The following IMPG1 variants were observed in gnomAD, a reference collection of about 807,000 sequenced individuals.
IMPG1 encodes interphotoreceptor matrix proteoglycan of 150 kDa.
Under a neutral mutation model 92.0 loss-of-function variants are expected in IMPG1, and 85 were observed. The ratio of observed to expected loss-of-function variants is 0.92; its 90% CI spans 0.78 to 1.11. IMPG1 has a LOEUF of 1.11. Among genes scored for constraint, IMPG1 ranks in the 50% least tolerant of loss-of-function variants. The pLI is 0.00. For synonymous variants in IMPG1, 367 were observed against 334.1 expected, an observed-to-expected ratio of 1.10 and a Z score of -1.08; for missense variants, 1,022 against 956.0, an observed-to-expected ratio of 1.07 and a Z score of -0.91.
chr6:76,042,067 C>A lies in IMPG1; in HGVS notation c.127G>T (p.Glu43Ter). 1 of 1,610,652 alleles carries A rather than the reference C, an allele frequency of 6.2e-7. No individual in the cohort carries two copies. Among genetic ancestry groups the A allele is most frequent in the Non-Finnish European group, 8.5e-7 (1 of 1,176,948 alleles). The change falls in exon 2 of 17, where the codon GAA becomes TAA. Residue 43 changes from glutamate to a stop codon, truncating the protein, a stop_gained. Coordinates refer to ENST00000369950, the MANE Select transcript of IMPG1 (RefSeq NM_001563.4). LOFTEE classifies it high-confidence loss of function. Reference sequence around the variant, plus strand: ...ATTTTTTCAGTACTTTCAGTTGTTTCATTTCTTGGGGGATTGTCTATGTCT... The same window carrying A: ...ATTTTTTCAGTACTTTCAGTTGTTTAATTTCTTGGGGGATTGTCTATGTCT... Reference protein sequence around the residue: ...TKDIDNPPRNETTESTEKMYK... With the variant: ...TKDIDNPPRN
chr6:76,028,980 C>T (rs1334310780), intron 4 of IMPG1, among the ~76,000 whole-genome samples: 9 of 152,156 alleles, frequency 5.9e-5, no homozygotes, highest in African/African-American at 2.2e-4. Flanking sequence ...ATCCATTTTT[C>T]TTTTGCAACA....
At chr6:75,983,419 T>A (rs962856309) in intron 12 of IMPG1, among the ~76,000 whole-genome samples, 1 of 151,924 alleles carries the variant, frequency 6.6e-6, no homozygotes, top group African/African-American at 2.4e-5. Context: ...AGAAATAAAA[T>A]GCACACATTT....
intron 14 of IMPG1, among the ~76,000 whole-genome samples, chr6:75,938,670 A>T (rs1781787086): frequency 1.3e-5 from 2 of 151,980 alleles, no homozygotes; most frequent in Non-Finnish European, 2.9e-5. Flanking sequence ...AAAATTAGCC[A>T]GGCATGGTGG....
At chr6:75,924,384 T>C (rs1781484181) in intron 15 of IMPG1, among the ~76,000 whole-genome samples, 1 of 126,066 alleles carries the variant, frequency 7.9e-6, no homozygotes, top group Non-Finnish European at 1.6e-5. Flanking sequence ...GATATATATG[T>C]ATTACATATA....
At chr6:75,967,496 T>C (rs1782326802) in intron 12 of IMPG1, among the ~76,000 whole-genome samples, 1 of 152,120 alleles carries the variant, frequency 6.6e-6, no homozygotes, top group South Asian at 2.1e-4. Flanking sequence ...TCAGACACAA[T>C]GTCAGCTCCT....
chr6:76,021,126 A>G (rs1221312699), intron 6 of IMPG1, among the ~76,000 whole-genome samples: 2 of 152,210 alleles, frequency 1.3e-5, no homozygotes, highest in African/African-American at 4.8e-5. Context: ...AAACTTCAAA[A>G]GAACCTTGGT....
chr6:76,050,651 G>A (rs1189563779), intron 1 of IMPG1, among the ~76,000 whole-genome samples: 1 of 152,062 alleles, frequency 6.6e-6, no homozygotes, highest in Admixed American at 6.6e-5. Context: ...TACCAAAGTT[G>A]GCTTCTAGAC....
chr6:76,016,098 T>G (rs899245888), intron 7 of IMPG1, among the ~76,000 whole-genome samples: 4 of 152,190 alleles, frequency 2.6e-5, no homozygotes, highest in African/African-American at 9.6e-5. Context: ...TTAGTACATA[T>G]AAAGCATTAA....
rs113568501 is a variant in IMPG1, at chr6:75,937,636, A to T, written c.2045-6485T>A. On this transcript the variant is annotated intron_variant, in intron 14 of 16. Transcript: ENST00000369950. ...TAAGATTAAAATTTGTGTCAATAGT[A>T]ACTATTATTGACATTAGTTAATAGT... is the stretch of plus-strand genomic sequence containing the variant. Among the ~76,000 whole-genome samples the T allele has an allele frequency of 5.7e-3, 868 of 152,320 alleles. 6 individuals carry two copies. Among genetic ancestry groups the T allele is most frequent in the South Asian group, 0.017 (80 of 4,830 alleles).
intron 1 of IMPG1, among the ~76,000 whole-genome samples, chr6:76,057,422 G>C (rs1784138007): frequency 6.6e-6 from 1 of 152,164 alleles, no homozygotes; most frequent in Non-Finnish European, 1.5e-5. Flanking sequence ...GTGGGGAAGA[G>C]ATTCAAATCT....
chr6:75,924,685 T>G (rs372035429), intron 15 of IMPG1, among the ~76,000 whole-genome samples: 1 of 3,092 alleles, frequency 3.2e-4, no homozygotes, highest in African/African-American at 7.6e-4. Context: ...TATTATATAT[T>G]ATATATAAAT....
intron 12 of IMPG1, among the ~76,000 whole-genome samples, chr6:75,973,882 T>C (rs1782461858): frequency 6.6e-6 from 1 of 152,248 alleles, no homozygotes; most frequent in Non-Finnish European, 1.5e-5. Context: ...CTGATGGATC[T>C]GCATTTGTGA....
chr6:75,981,328 G>A (rs1453546439), intron 12 of IMPG1, among the ~76,000 whole-genome samples: 4 of 152,154 alleles, frequency 2.6e-5, no homozygotes, highest in Non-Finnish European at 5.9e-5. Context: ...CAGTAGCTTT[G>A]AACTCCGATG....
chr6:75,942,045 A>G (rs865909953), intron 14 of IMPG1, among the ~76,000 whole-genome samples: 1 of 152,148 alleles, frequency 6.6e-6, no homozygotes, highest in Non-Finnish European at 1.5e-5. Context: ...TATGTCTACT[A>G]CGAAGGTGGT....
intron 1 of IMPG1, among the ~76,000 whole-genome samples, chr6:76,055,516 T>C (rs1355626729): frequency 6.9e-6 from 1 of 144,334 alleles, no homozygotes; most frequent in Non-Finnish European, 1.5e-5. Flanking sequence ...GAAAACAAAA[T>C]AAAACCAAAG....
chr6:76,030,323 T>C (rs1312875086), intron 4 of IMPG1, among the ~76,000 whole-genome samples: 1 of 151,772 alleles, frequency 6.6e-6, no homozygotes, highest in Non-Finnish European at 1.5e-5. Context: ...ATGCTTTTCA[T>C]TCTCTCTCTC....
rs1291507263 is a variant in IMPG1 at position 75,950,779 on chromosome 6, A to G, written c.1607T>C (p.Leu536Pro). The G allele has an allele frequency of 6.2e-7, 1 of 1,613,966 alleles. No homozygotes were observed. ...DTPAPSEVPE[L>P]SEYVSVPDHF... ...ATCTGGGACAGAAACATATTCGCTG[A>G]GCTCTGGTACCTCAGATGGGGCAGG... Residue 536 changes from leucine (L) to proline (P), a missense_variant, in exon 13 of 17, where the codon CTC becomes CCC. Physicochemically the swap from Leu to Pro is moderately conservative, Grantham distance 98. Transcript: ENST00000369950.
intron 12 of IMPG1, among the ~76,000 whole-genome samples, chr6:75,985,919 C>T (rs950925353): frequency 1.3e-5 from 2 of 152,142 alleles, no homozygotes; most frequent in Non-Finnish European, 2.9e-5. Context: ...TCTCACATTG[C>T]CTGATCTGTT....
At chr6:75,952,051 T>C (rs1443279286) in intron 12 of IMPG1, among the ~76,000 whole-genome samples, 1 of 152,222 alleles carries the variant, frequency 6.6e-6, no homozygotes, top group Non-Finnish European at 1.5e-5. Context: ...CTTGGGTAAG[T>C]ACACATTGAA....
Sources: allele counts gnomAD v4.1 joint callset (sites outside exome capture counted in the v4.1 genomes callset), GRCh38; gene constraint gnomAD v4.1.1; transcripts MANE v1.5; gene names NCBI Gene and HGNC (gene_info 2026-07-23, HGNC 2026-07-21).